Variants in JARID2 observed in about 807,000 individuals in gnomAD.
JARID2 encodes the protein jumonji and AT-rich interaction domain containing 2.
A neutral mutation model predicts 125.6 loss-of-function variants in JARID2; 21 were observed. That is an observed-to-expected ratio of 0.17 (90% CI 0.12 to 0.24). The LOEUF (loss-of-function observed/expected upper bound fraction) is 0.24. JARID2 is among the 10% of genes least tolerant of loss of function. The probability of loss-of-function intolerance (pLI) is 1.00; values close to 1 mark genes in which losing one functional copy is unlikely to be tolerated. For synonymous variants in JARID2, 736 were observed against 661.6 expected (o/e 1.11, Z -1.73); for missense variants, 1,303 against 1,639.6 (o/e 0.79, Z 3.55).
Position 15,496,627 on chromosome 6 carries a change from G to A in JARID2, c.1402G>A (p.Glu468Lys), listed in dbSNP as rs200762091. 184 of 1,608,698 alleles carry A rather than the reference G, an allele frequency of 1.1e-4. No homozygotes were observed. In the African/African-American group the frequency reaches 2.0e-3, roughly 18 times the overall value. Residue 468 changes from glutamate to lysine, a missense_variant, in exon 7 of 18, where the codon GAA (glutamate) becomes AAA (lysine). Transcript: ENST00000341776. ...GATGAAAGGGGCGGCTGGCCCCGCC[G>A]AAGGCCCTGGCAAGAAGGCCCCGGC... ...KKMKGAAGPAEGPGKKAPAER... is the reference protein window; with the variant it reads ...KKMKGAAGPAKGPGKKAPAER...
intron 4 of JARID2, among the ~76,000 whole-genome samples, chr6:15,455,815 A>T (rs1768150747): frequency 6.6e-6 from 1 of 152,236 alleles, no homozygotes; most frequent in South Asian, 2.1e-4. Context: ...GGCATGAGTC[A>T]CCATGCCCGG....
chr6:15,283,093 C>G (rs970006637), intron 1 of JARID2, among the ~76,000 whole-genome samples: 17 of 151,992 alleles, frequency 1.1e-4, no homozygotes, highest in African/African-American at 3.6e-4. Context: ...ATTCTCCTGC[C>G]TCAGCCTCCC....
chr6:15,406,939 C>CT lies in JARID2; in HGVS notation c.182-3276dup, dbSNP rs199527644. ...TTTGTGACATTTTGCAGGCAAGTGT[C>CT]TTTTTTTTTCTGCAAAATTATTGAT... On this transcript the variant is annotated intron_variant, in intron 2 of 17. Coordinates refer to ENST00000341776, the MANE Select transcript of JARID2 (RefSeq NM_004973.4). Among the ~76,000 whole-genome samples the CT allele has an allele frequency of 1.1e-3, 160 of 151,166 alleles. 2 individuals carry two copies. The East Asian group carries it at 0.019, about 18-fold the overall frequency.
chr6:15,326,315 C>T (rs941267660), intron 1 of JARID2, among the ~76,000 whole-genome samples: 13 of 152,166 alleles, frequency 8.5e-5, no homozygotes, highest in Non-Finnish European at 1.6e-4. Flanking sequence ...ATGCAATACT[C>T]TCGCCTCAGC....
rs1298565555 is a variant in JARID2 at position 15,246,510 on chromosome 6, C to A, written c.-30C>A. 6.2e-7 allele frequency: 1 copy of A among 1,600,686 alleles called. No homozygotes were observed. The highest frequency in any genetic ancestry group is 2.2e-5 in the East Asian group (1 of 44,696). ...GCTTTAAATTCATGAAGCAATTGTC[C>A]CCTTTTGCAATCAGCATTTGGATCT... On this transcript the variant is annotated 5_prime_UTR_variant, in exon 1 of 18. Coordinates refer to ENST00000341776, the MANE Select transcript of JARID2 (RefSeq NM_004973.4).
At chr6:15,504,366 A>G in intron 8 of JARID2, 134 bp from the exon 9 acceptor site, 1 of 662,314 alleles carries the variant, frequency 1.5e-6, no homozygotes, top group Admixed American at 2.3e-5. Context: ...TCTGCCTGTC[A>G]TTAACTCAGA....
chr6:15,352,951 T>C (rs1763481340), intron 1 of JARID2, among the ~76,000 whole-genome samples: 1 of 152,222 alleles, frequency 6.6e-6, no homozygotes, highest in African/African-American at 2.4e-5. Flanking sequence ...CATTCATGAG[T>C]TGATGGACAC....
At chr6:15,434,281 A>C (rs1157882802) in intron 3 of JARID2, among the ~76,000 whole-genome samples, 1 of 152,074 alleles carries the variant, frequency 6.6e-6, no homozygotes, top group Non-Finnish European at 1.5e-5. Context: ...CTCCTCAATC[A>C]GTGACTTATC....
At chr6:15,421,560 G>A (rs1431540579) in intron 3 of JARID2, among the ~76,000 whole-genome samples, 1 of 152,164 alleles carries the variant, frequency 6.6e-6, no homozygotes, top group East Asian at 1.9e-4. Flanking sequence ...CTTCTTTGAA[G>A]CTATGTAATC....
chr6:15,321,120 G>A (rs2127440733), intron 1 of JARID2, among the ~76,000 whole-genome samples: 1 of 152,200 alleles, frequency 6.6e-6, no homozygotes, highest in Middle Eastern at 3.4e-3. Context: ...AAAATAACTA[G>A]ATCTGTGCAA....
intron 3 of JARID2, among the ~76,000 whole-genome samples, chr6:15,443,581 T>C (rs1346671448): frequency 2.0e-5 from 3 of 152,208 alleles, no homozygotes; most frequent in Non-Finnish European, 4.4e-5. Flanking sequence ...GCTAGAAATC[T>C]TTAGCAATAC....
At position 15,468,648 on chromosome 6, in the gene JARID2, C is replaced by G. The variant is rs1768864863; in HGVS notation, c.600C>G (p.Asn200Lys). The change falls in exon 5 of 18, where the codon AAC becomes AAG. Residue 200 changes from asparagine to lysine, a missense_variant. Asn to Lys is a moderately conservative substitution (Grantham distance 94). Coordinates refer to ENST00000341776, the MANE Select transcript of JARID2 (RefSeq NM_004973.4). Reference sequence around the variant, plus strand: ...CAGAAGACGTCAAAACAGCCACCAACAATGCTTCATCTTCATGCCAGTCGA... The same window carrying G: ...CAGAAGACGTCAAAACAGCCACCAAGAATGCTTCATCTTCATGCCAGTCGA... ...DETEDVKTAT[N>K]NASSSCQSTP... 3 of 1,613,932 alleles carry G rather than the reference C, an allele frequency of 1.9e-6. No individual in the cohort carries two copies. Among genetic ancestry groups the G allele is most frequent in the African/African-American group, 2.7e-5 (2 of 74,900 alleles).
chr6:15,372,012 G>A (rs1421122150), intron 1 of JARID2, among the ~76,000 whole-genome samples: 1 of 152,206 alleles, frequency 6.6e-6, no homozygotes, highest in Non-Finnish European at 1.5e-5. Flanking sequence ...GTAGAAGATG[G>A]AGAATTACTC....
At chr6:15,364,162 CATTG>C (rs1763893965) in intron 1 of JARID2, among the ~76,000 whole-genome samples, 1 of 152,102 alleles carries the variant, frequency 6.6e-6, no homozygotes, top group Non-Finnish European at 1.5e-5. Context: ...GTCAGTCAGG[CATTG>C]ATTGATCTCA....
At chr6:15,470,782 A>T (rs1204737023) in intron 5 of JARID2, among the ~76,000 whole-genome samples, 2 of 152,210 alleles carry the variant, frequency 1.3e-5, no homozygotes, top group African/African-American at 2.4e-5. Flanking sequence ...TAGTGTACGG[A>T]TGTAATTTCT....
At chr6:15,367,815 T>G (rs909152304) in intron 1 of JARID2, among the ~76,000 whole-genome samples, 8 of 152,096 alleles carry the variant, frequency 5.3e-5, no homozygotes, top group African/African-American at 1.9e-4. Context: ...CCAGGAGAGG[T>G]TTGCTGTTAG....
In JARID2 at chr6:15,321,719, T is replaced by C. The variant is rs117119977; in HGVS notation, c.46-52398T>C. Among the ~76,000 whole-genome samples the C allele has an allele frequency of 9.9e-5, 15 of 151,256 alleles. No individual in the cohort carries two copies. In the East Asian group the frequency reaches 2.9e-3, roughly 29 times the overall value. On this transcript the variant is annotated intron_variant, in intron 1 of 17. Transcript: ENST00000341776. ...AACAGAAATGCTTTCTTTGAAGATA[T>C]GAGACTTCAATAATAGAGTGTGAGT...
At chr6:15,334,430 G>A (rs1762813769) in intron 1 of JARID2, among the ~76,000 whole-genome samples, 1 of 152,126 alleles carries the variant, frequency 6.6e-6, no homozygotes, top group East Asian at 1.9e-4. Context: ...ATTTTAATGT[G>A]AGGATGCTTT....
intron 1 of JARID2, among the ~76,000 whole-genome samples, chr6:15,300,683 TTGTGTGTGTGTG>T (rs35433395): frequency 7.2e-4 from 83 of 114,488 alleles, no homozygotes; most frequent in Middle Eastern, 4.6e-3. Context: ...TGTCCTCATG[TTGTGTGTGTGTG>T]TGTGTGTGTG....
Sources: gnomAD v4.1 joint callset for allele counts (sites outside exome capture counted in the v4.1 genomes callset) on GRCh38, gnomAD v4.1.1 for gene constraint, MANE v1.5 for transcripts, NCBI Gene and HGNC (gene_info 2026-07-23, HGNC 2026-07-21) for gene names.